The following SCYL1 variants were observed in gnomAD, a reference collection of about 807,000 sequenced individuals.
SCYL1 encodes N-terminal kinase-like protein.
In SCYL1, 85 loss-of-function variants were observed where a neutral mutation model predicts 94.8. The observed-to-expected ratio is 0.90, with a 90% CI of 0.75 to 1.07. SCYL1 has a LOEUF of 1.07. Among genes scored for constraint, SCYL1 ranks in the 50% least tolerant of loss-of-function variants. SCYL1 has a pLI of 0.00. For synonymous variants in SCYL1, 459 were observed against 435.5 expected (o/e 1.05, Z -0.67); for missense variants, 968 against 1,083.3 (o/e 0.89, Z 1.49).
chr11:65,525,893 C>A, intron 2 of SCYL1, 28 bp from the exon 3 acceptor site: 1 of 1,607,690 alleles, frequency 6.2e-7, no homozygotes, highest in South Asian at 1.1e-5. Context: ...CCCCTCCGCC[C>A]TTGATAACCC....
chr11:65,525,569 C>T lies in SCYL1; in HGVS notation c.112-5C>T. 1.2e-6 allele frequency: 2 copies of T among 1,611,542 alleles called. No individual in the cohort carries two copies. The highest frequency in any genetic ancestry group is 2.2e-5 in the South Asian group (2 of 91,032). On this transcript the variant is annotated splice_region_variant and splice_polypyrimidine_tract_variant and intron_variant, in intron 1 of 17. Transcript: ENST00000270176. ...ACCATCTCAGGCCCCGCTGCCCTCCCCTAGGCCACAGGCAGCCCCGTGTCC... is the reference window on the plus strand; with the variant it reads ...ACCATCTCAGGCCCCGCTGCCCTCCTCTAGGCCACAGGCAGCCCCGTGTCC...
At chr11:65,531,486 C>T in intron 7 of SCYL1, 90 bp from the exon 8 acceptor site, 9 of 934,932 alleles carry the variant, frequency 9.6e-6, no homozygotes, top group Non-Finnish European at 1.4e-5. Flanking sequence ...TTCATTCCCA[C>T]CCTGGGATAT....
intron 1 of SCYL1, 59 bp downstream of exon 1, chr11:65,525,323 G>C: frequency 7.9e-7 from 1 of 1,264,136 alleles, no homozygotes; most frequent in Non-Finnish European, 1.0e-6. Context: ...ATTCCGCGCC[G>C]CCGACCCCGT....
At position 65,526,679 on chromosome 11, in the gene SCYL1, C is replaced by T; in HGVS notation, c.603-104C>T. 9.1e-7 allele frequency: 1 copy of T among 1,101,910 alleles called. No homozygotes were observed. The highest frequency in any genetic ancestry group is 1.4e-5 in the South Asian group (1 of 70,664). The allele number at this position is 1,101,910 out of a possible 1,614,324, so 68.3% of individuals were successfully genotyped here. ...TGGGACTGATGGCTCAGCTGAGGGA[C>T]ATAGCCAGGCCCTGGCATGCAGTGG... On this transcript the variant is annotated intron_variant, in intron 4 of 17. Coordinates refer to ENST00000270176, the MANE Select transcript of SCYL1 (RefSeq NM_020680.4). The surrounding 1 kb of genome is among the most constrained non-coding windows in gnomAD (Gnocchi z 4.1).
chr11:65,536,239 T>C lies in SCYL1; in HGVS notation c.1576-20T>C. ...TCTTGGGAACCCCAGAGACCCCAGC[T>C]CTGCCTCGTTACCCCACAGGCCTTC... On this transcript the variant is annotated intron_variant, in intron 11 of 17. Coordinates refer to ENST00000270176, the MANE Select transcript of SCYL1 (RefSeq NM_020680.4). The C allele has an allele frequency of 6.2e-7, 1 of 1,612,378 alleles. No homozygotes were observed. Among genetic ancestry groups the C allele is most frequent in the African/African-American group, 1.3e-5 (1 of 75,036 alleles).
chr11:65,533,545 G>A (rs1033442152), intron 9 of SCYL1, among the ~76,000 whole-genome samples: 10 of 152,366 alleles, frequency 6.6e-5, no homozygotes, highest in Middle Eastern at 3.4e-3. Context: ...TTGGTAGGCC[G>A]AGGTGGGAGG....
In SCYL1 at chr11:65,525,105, C is replaced by T; in HGVS notation, c.-49C>T. 3.2e-6 allele frequency: 4 copies of T among 1,236,610 alleles called. No homozygotes were observed. Among genetic ancestry groups the T allele is most frequent in the South Asian group, 2.8e-5 (1 of 36,352 alleles). The allele number at this position is 1,236,610 out of a possible 1,614,324, so 76.6% of individuals were successfully genotyped here. A position where few individuals can be genotyped will look rare whatever the true frequency, so the allele number is the denominator to read the frequency against. On this transcript the variant is annotated 5_prime_UTR_variant, in exon 1 of 18. Transcript: ENST00000270176. ...TCCGCCCCGCCCCGGCTCGGGCGGC[C>T]GGAGGACCCGGAGCTAAGGCGCCCG... is the stretch of plus-strand genomic sequence containing the variant.
At chr11:65,534,704 C>A (rs563614116) in intron 9 of SCYL1, among the ~76,000 whole-genome samples, 4 of 152,280 alleles carry the variant, frequency 2.6e-5, no homozygotes, top group African/African-American at 9.6e-5. Flanking sequence ...TAGAAAAGAG[C>A]CCTCTAGATT....
chr11:65,527,849 AC>A (rs570873498), intron 6 of SCYL1, among the ~76,000 whole-genome samples: 21 of 152,204 alleles, frequency 1.4e-4, no homozygotes, highest in Non-Finnish European at 2.8e-4. Flanking sequence ...GGGAGACTCA[AC>A]CTGTACCTAC....
intron 6 of SCYL1, among the ~76,000 whole-genome samples, chr11:65,529,101 G>T (rs1167388523): frequency 6.6e-6 from 1 of 152,202 alleles, no homozygotes; most frequent in East Asian, 1.9e-4. Flanking sequence ...AAGACAGCGG[G>T]GGCTGAGAAT....
chr11:65,537,241 C>A, intron 14 of SCYL1, 113 bp downstream of exon 14: 2 of 1,174,086 alleles, frequency 1.7e-6, no homozygotes, highest in Non-Finnish European at 2.5e-6. Context: ...ATCAGCACAG[C>A]ATCCCTGGCA....
In SCYL1 at chr11:65,530,595, A is replaced by T. The variant is rs770817493; in HGVS notation, c.850-34A>T. On this transcript the variant is annotated intron_variant, in intron 6 of 17. Transcript: ENST00000270176. ...CTGGGTTTGGGCTGCAACCAGGCTG[A>T]TCTCTTCCCCGGGTCCCGTCCTCAC... 1.3e-5 allele frequency: 20 copies of T among 1,594,784 alleles called. No homozygotes were observed. In the East Asian group the frequency reaches 4.0e-4, roughly 32 times the overall value.
intron 15 of SCYL1, 24 bp from the exon 16 acceptor site, chr11:65,537,943 C>T (rs745476255): frequency 8.1e-6 from 13 of 1,596,456 alleles, no homozygotes; most frequent in Non-Finnish European, 1.1e-5. Flanking sequence ...CCCAGGGCTA[C>T]TTCCCCCTCC....
chr11:65,538,437 G>C lies in SCYL1; in HGVS notation c.2303-5G>C. The C allele has an allele frequency of 6.4e-7, 1 of 1,553,324 alleles. No homozygotes were observed. Among genetic ancestry groups the C allele is most frequent in the South Asian group, 1.2e-5 (1 of 84,674 alleles). On this transcript the variant is annotated splice_region_variant and splice_polypyrimidine_tract_variant and intron_variant, in intron 17 of 17. Transcript: ENST00000270176. ...TGAGACCGGGGCTCCCCTTCCTGACGCCAGGACAGGTCAAGGCTGAGCTGG... is the reference window on the plus strand; with the variant it reads ...TGAGACCGGGGCTCCCCTTCCTGACCCCAGGACAGGTCAAGGCTGAGCTGG...
In SCYL1 at chr11:65,538,338, C is replaced by A; in HGVS notation, c.2302+14C>A. The A allele has an allele frequency of 6.5e-7, 1 of 1,544,730 alleles. No individual in the cohort carries two copies. On this transcript the variant is annotated intron_variant, in intron 17 of 17. Coordinates refer to ENST00000270176, the MANE Select transcript of SCYL1 (RefSeq NM_020680.4). ...AGACTGACAGTCGTAAGTGCTTCCC[C>A]TGGGTGGGCTGAAGACTAGGGCTCC... is the stretch of plus-strand genomic sequence containing the variant.
intron 8 of SCYL1, among the ~76,000 whole-genome samples, chr11:65,532,426 G>GAAA (rs398016427): frequency 9.6e-6 from 1 of 104,230 alleles, no homozygotes; most frequent in African/African-American, 3.3e-5. Context: ...CTCTGTCTCA[G>GAAA]AAAAAAAAAA....
At chr11:65,535,103 G>C (rs967026488) in intron 9 of SCYL1, 124 bp from the exon 10 acceptor site, 3 of 1,249,164 alleles carry the variant, frequency 2.4e-6, no homozygotes, top group Admixed American at 4.4e-5. Flanking sequence ...CCAGGCCCAG[G>C]CTGGGAGGTG....
chr11:65,526,814 A>C lies in SCYL1; in HGVS notation c.634A>C (p.Ile212Leu), dbSNP rs200408408. 3.0e-4 allele frequency: 477 copies of C among 1,612,936 alleles called. No individual in the cohort carries two copies. Among genetic ancestry groups the C allele is most frequent in the Non-Finnish European group, 3.7e-4 (442 of 1,179,942 alleles). The change falls in exon 5 of 18, where the codon ATT becomes CTT. Residue 212 changes from isoleucine to leucine, a missense_variant. This residue lies in a region of SCYL1 where 494 missense variants were observed against 619.7 expected (regional missense o/e 0.80). Transcript: ENST00000270176. The surrounding 1 kb of genome is among the most constrained non-coding windows in gnomAD (Gnocchi z 4.1). ...AGACATGTGGCGCTTGGGCTGCCTC[A>C]TTTGGGAAGTCTTCAATGGGCCCCT... ...SADMWRLGCL[I>L]WEVFNGPLPR...
rs1855006993 is a variant in SCYL1 at position 65,525,132 on chromosome 11, A to G, written c.-22A>G. 2.3e-6 allele frequency: 3 copies of G among 1,307,236 alleles called. No homozygotes were observed. The highest frequency in any genetic ancestry group is 2.9e-6 in the Non-Finnish European group (3 of 1,018,724). 81.0% of individuals were successfully genotyped at this position (1,307,236 alleles called of 1,614,324 possible). ...GAGGACCCGGAGCTAAGGCGCCCGA[A>G]CCCGCGGCGGCGGTGGGGACGATGT... On this transcript the variant is annotated 5_prime_UTR_variant, in exon 1 of 18. Transcript: ENST00000270176.
Sources: allele counts gnomAD v4.1 joint callset (sites outside exome capture counted in the v4.1 genomes callset), GRCh38; gene constraint gnomAD v4.1.1; regional missense constraint gnomAD v4.1.1; non-coding constraint Gnocchi (gnomAD v3.1); transcripts MANE v1.5; gene names NCBI Gene and HGNC (gene_info 2026-07-23, HGNC 2026-07-21).